Variants in RC3H1 observed in about 807,000 individuals in gnomAD.
The protein encoded by RC3H1 is ring finger and CCCH-type domains 1.
A neutral mutation model predicts 138.2 loss-of-function variants in RC3H1; 50 were observed. That is an observed-to-expected ratio of 0.36 (90% CI 0.29 to 0.46). The LOEUF (loss-of-function observed/expected upper bound fraction) is 0.46. Ranked by LOEUF, RC3H1 falls within the 20% of genes least tolerant of loss-of-function variation. The pLI is 1.00. For missense variants in RC3H1, 1,031 were observed against 1,388.1 expected, an observed-to-expected ratio of 0.74 and a Z score of 4.09; for synonymous variants, 462 against 489.1, an observed-to-expected ratio of 0.94 and a Z score of 0.73.
chr1:173,949,026 C>A (rs1035354973), intron 14 of RC3H1, among the ~76,000 whole-genome samples: 2 of 149,516 alleles, frequency 1.3e-5, no homozygotes, highest in African/African-American at 4.9e-5. Context: ...CATTTCGTTC[C>A]AATAAGAGCC....
chr1:173,997,859 A>G (rs1661491606), intron 1 of RC3H1, among the ~76,000 whole-genome samples: 1 of 152,180 alleles, frequency 6.6e-6, no homozygotes, highest in Non-Finnish European at 1.5e-5. Flanking sequence ...TTTGAGACTC[A>G]AAGTGTCAGT....
At chr1:173,987,085 C>T (rs187686717) in intron 2 of RC3H1, among the ~76,000 whole-genome samples, 1 of 152,240 alleles carries the variant, frequency 6.6e-6, no homozygotes, top group East Asian at 1.9e-4. Context: ...ATCAAAGCTA[C>T]ACACCACCAA....
In RC3H1 at chr1:174,001,391, A is replaced by C. The variant is rs112162613; in HGVS notation, c.-150-8256T>G. On this transcript the variant is annotated intron_variant, in intron 1 of 19. Coordinates refer to ENST00000367696, the MANE Select transcript of RC3H1 (RefSeq NM_172071.4). ...TACACTAAAGAGGGCATTAGCCCTC[A>C]TTAATTATCAAAGAGGTGGCAGAAT... 1.2e-3 allele frequency among the ~76,000 whole-genome samples: 182 copies of C among 152,366 alleles called. 1 individual carries two copies. The highest frequency in any genetic ancestry group is 4.3e-3 in the African/African-American group (177 of 41,586).
chr1:173,963,207 A>C lies in RC3H1; in HGVS notation c.1831+766T>G, dbSNP rs551229741. On this transcript the variant is annotated intron_variant, in intron 11 of 19. Coordinates refer to ENST00000367696, the MANE Select transcript of RC3H1 (RefSeq NM_172071.4). ...CTTCTTCTCCTTTCCCACCACACTA[A>C]TTCGTCAGTACTCACACCAGGATTA... Among the ~76,000 whole-genome samples the C allele has an allele frequency of 2.6e-5, 4 of 152,130 alleles. No homozygotes were observed. In the South Asian group the frequency reaches 8.3e-4, roughly 32 times the overall value.
chr1:173,971,382 A>G (rs1288644220), intron 8 of RC3H1, among the ~76,000 whole-genome samples: 1 of 152,224 alleles, frequency 6.6e-6, no homozygotes, highest in Non-Finnish European at 1.5e-5. Context: ...ATGTTTCCAT[A>G]CAACATACCA....
chr1:173,981,815 T>G lies in RC3H1; in HGVS notation c.769-806A>C, dbSNP rs529642947. On this transcript the variant is annotated intron_variant, in intron 5 of 19. Transcript: ENST00000367696. ...ATTAGAAGGCTGGAGGCAGGAGAAT[T>G]GCTTGACCCAGAAGGCAGAGGATGC... Among the ~76,000 whole-genome samples the G allele has an allele frequency of 7.9e-5, 12 of 152,094 alleles. 1 individual carries two copies. The South Asian group carries it at 1.9e-3, about 24-fold the overall frequency.
chr1:173,964,468 A>G (rs542619426), intron 10 of RC3H1, among the ~76,000 whole-genome samples: 2 of 152,190 alleles, frequency 1.3e-5, no homozygotes, highest in East Asian at 3.9e-4. Context: ...CCTGGGTTCA[A>G]GCGATTCTCA....
At chr1:173,948,356 A>C (rs148733629) in intron 14 of RC3H1, among the ~76,000 whole-genome samples, 1,613 of 152,242 alleles carry the variant, frequency 0.011, 119 homozygotes, top group Admixed American at 0.1. Flanking sequence ...TATTTCACAG[A>C]TGAAATGCTT....
rs771260779 is a variant in RC3H1, at chr1:173,956,146, G to GA, written c.2371-4009dup. ...AGTCTGTCTCAAAAAAAAAAAAAAA[G>GA]AAAAAAAAAAGAAAAGAAAATTTGG... On this transcript the variant is annotated intron_variant, in intron 13 of 19. Coordinates refer to ENST00000367696, the MANE Select transcript of RC3H1 (RefSeq NM_172071.4). 6.3e-3 allele frequency among the ~76,000 whole-genome samples: 798 copies of GA among 126,244 alleles called. 2 individuals are homozygous for GA. The highest frequency in any genetic ancestry group is 0.011 in the Middle Eastern group (3 of 262). 82.8% of individuals were successfully genotyped at this position (126,244 alleles called of 152,430 possible). A position where few individuals can be genotyped will look rare whatever the true frequency, so the allele number is the denominator to read the frequency against.
At chr1:173,991,781 A>T (rs1661295919) in intron 2 of RC3H1, among the ~76,000 whole-genome samples, 1 of 152,240 alleles carries the variant, frequency 6.6e-6, no homozygotes, top group South Asian at 2.1e-4. Flanking sequence ...TGCAGATGTT[A>T]AGTCAAACTT....
intron 1 of RC3H1, among the ~76,000 whole-genome samples, chr1:174,020,525 G>A (rs866046715): frequency 5.3e-5 from 8 of 152,120 alleles, no homozygotes; most frequent in African/African-American, 1.7e-4. Context: ...TTCAGCACAG[G>A]TCAGTGCTGA....
rs924595620 is a variant in RC3H1, at chr1:173,938,741, T to C, written c.3382A>G (p.Thr1128Ala). The C allele has an allele frequency of 1.9e-6, 3 of 1,610,392 alleles. No individual in the cohort carries two copies. Among genetic ancestry groups the C allele is most frequent in the South Asian group, 2.2e-5 (2 of 90,504 alleles). Residue 1128 changes from threonine (T) to alanine (A), a missense_variant, in exon 20 of 20, where the codon ACT becomes GCT. By Grantham distance (58) the Thr-to-Ala change is moderately conservative (BLOSUM62 0). Transcript: ENST00000367696. ...DNNDSQRSGV[T>A]PSSAP is the part of the protein sequence containing the mutation. The stretch of plus-strand genomic sequence containing the variant: ...ATATTTTAAGGAGCAGAACTGGGAG[T>C]AACTCCTGATCTCTGGGAGTCATTA...
chr1:173,977,342 C>T (rs1310260430), intron 7 of RC3H1, among the ~76,000 whole-genome samples: 2 of 152,082 alleles, frequency 1.3e-5, no homozygotes, highest in Admixed American at 6.6e-5. Flanking sequence ...TAATTATAAG[C>T]AGGGGATATA....
intron 17 of RC3H1, among the ~76,000 whole-genome samples, chr1:173,944,290 A>G (rs1659038669): frequency 6.6e-6 from 1 of 152,188 alleles, no homozygotes; most frequent in Non-Finnish European, 1.5e-5. Flanking sequence ...ACTTATTTCA[A>G]TGAAACCTCA....
chr1:173,979,140 T>C (rs1660701885), intron 6 of RC3H1, among the ~76,000 whole-genome samples: 1 of 152,226 alleles, frequency 6.6e-6, no homozygotes, highest in South Asian at 2.1e-4. Flanking sequence ...TATTGGACAG[T>C]GCATACACAG....
chr1:173,945,989 G>C (rs2102863328), intron 17 of RC3H1, among the ~76,000 whole-genome samples: 1 of 152,154 alleles, frequency 6.6e-6, no homozygotes, highest in East Asian at 1.9e-4. Context: ...TTACAGGGGT[G>C]AAACCCTATC....
intron 2 of RC3H1, among the ~76,000 whole-genome samples, chr1:173,991,902 A>G (rs1661300436): frequency 6.6e-6 from 1 of 152,042 alleles, no homozygotes; most frequent in Admixed American, 6.6e-5. Context: ...TTATTGTGAT[A>G]ATATATACAT....
Position 173,936,500 on chromosome 1 carries a change from G to A in RC3H1, c.*2221C>T, listed in dbSNP as rs1261786077. On this transcript the variant is annotated 3_prime_UTR_variant, in exon 20 of 20. Transcript: ENST00000367696. Reference sequence around the variant, plus strand: ...CTGCACTCCAGCCTGGGCAACAGAAGCAGACTCCCTCTCCAAAAAAAAAAA... The same window carrying A: ...CTGCACTCCAGCCTGGGCAACAGAAACAGACTCCCTCTCCAAAAAAAAAAA... 4 of 102,814 alleles carry A rather than the reference G, an allele frequency of 3.9e-5. No individual in the cohort carries two copies. Among genetic ancestry groups the A allele is most frequent in the Non-Finnish European group, 7.0e-5 (4 of 57,476 alleles). The allele number at this position is 102,814 out of a possible 1,614,324, so 6.4% of individuals were successfully genotyped here.
At chr1:173,980,573 T>C (rs925253905) in intron 6 of RC3H1, among the ~76,000 whole-genome samples, 11 of 152,048 alleles carry the variant, frequency 7.2e-5, no homozygotes, top group Non-Finnish European at 1.6e-4. Flanking sequence ...TTGGCCTTCA[T>C]CTCTGTGATT....
Sources: allele counts gnomAD v4.1 joint callset (sites outside exome capture counted in the v4.1 genomes callset), GRCh38; gene constraint gnomAD v4.1.1; transcripts MANE v1.5; gene names NCBI Gene and HGNC (gene_info 2026-07-23, HGNC 2026-07-21).